ARHGAP15: variants seen among roughly 807,000 people sequenced by gnomAD.
ARHGAP15 encodes rho GTPase-activating protein 15.
ARHGAP15 carries 51 observed loss-of-function variants against 63.7 expected under a neutral mutation model. The ratio of observed to expected loss-of-function variants is 0.80; its 90% CI spans 0.64 to 1.01. The LOEUF is 1.01. Among genes scored for constraint, ARHGAP15 ranks in the 50% least tolerant of loss-of-function variants. The pLI is 0.00. For synonymous variants in ARHGAP15, 191 were observed against 193.8 expected (o/e 0.99, Z 0.12); for missense variants, 560 against 564.6 (o/e 0.99, Z 0.08).
At position 143,765,074 on chromosome 2, in the gene ARHGAP15, TTTATC is replaced by T. The variant is rs577175210; in HGVS notation, c.1245-2908_1245-2904del. Among the ~76,000 whole-genome samples, 254 of 151,880 alleles carry T rather than the reference TTTATC, an allele frequency of 1.7e-3. 1 individual carries two copies. The highest frequency in any genetic ancestry group is 5.9e-3 in the African/African-American group (245 of 41,338). ...TACCTAATAAGTACTCAATTGATTATTTATCTTATCTATCTCCATATTTGCCTCTA... is the reference window on the plus strand; with the variant it reads ...TACCTAATAAGTACTCAATTGATTATTTATCTATCTCCATATTTGCCTCTA... On this transcript the variant is annotated intron_variant, in intron 13 of 13. Transcript: ENST00000295095.
rs181235707 is a variant in ARHGAP15, at chr2:143,173,728, G to T, written c.165+18073G>T. ...ATGATAAGCTCTATTAATCAGAAAA[G>T]GTTAATGGCATATTATATCTTTGGT... is the stretch of plus-strand genomic sequence containing the variant. On this transcript the variant is annotated intron_variant, in intron 2 of 13. Coordinates refer to ENST00000295095, the MANE Select transcript of ARHGAP15 (RefSeq NM_018460.4). Among the ~76,000 whole-genome samples, 143 of 152,128 alleles carry T rather than the reference G, an allele frequency of 9.4e-4. 1 individual carries two copies. The highest frequency in any genetic ancestry group is 3.4e-3 in the African/African-American group (140 of 41,508).
At chr2:143,559,897 T>C (rs1241274841) in intron 11 of ARHGAP15, among the ~76,000 whole-genome samples, 1 of 152,268 alleles carries the variant, frequency 6.6e-6, no homozygotes, top group African/African-American at 2.4e-5. Flanking sequence ...ACCTGCCTTG[T>C]ATTAACATAT....
At chr2:143,308,136 A>C (rs1683262036) in intron 6 of ARHGAP15, among the ~76,000 whole-genome samples, 1 of 152,162 alleles carries the variant, frequency 6.6e-6, no homozygotes, top group African/African-American at 2.4e-5. Flanking sequence ...TGTGAGGTAG[A>C]GGAGAATGGA....
In ARHGAP15 at chr2:143,751,857, G is replaced by A. The variant is rs1295932170; in HGVS notation, c.1245-16132G>A. Reference sequence around the variant, plus strand: ...CTGGTGTAACAGCAACCTTGCCTCCGCCCTTTGATCACAGTTAATTATACC... The same window carrying A: ...CTGGTGTAACAGCAACCTTGCCTCCACCCTTTGATCACAGTTAATTATACC... On this transcript the variant is annotated intron_variant, in intron 13 of 13. Coordinates refer to ENST00000295095, the MANE Select transcript of ARHGAP15 (RefSeq NM_018460.4). 4.6e-5 allele frequency among the ~76,000 whole-genome samples: 7 copies of A among 152,206 alleles called. No individual in the cohort carries two copies. In the South Asian group the frequency reaches 1.2e-3, roughly 27 times the overall value.
chr2:143,186,819 G>A (rs1691467687), intron 2 of ARHGAP15, among the ~76,000 whole-genome samples: 1 of 152,200 alleles, frequency 6.6e-6, no homozygotes, highest in Non-Finnish European at 1.5e-5. Flanking sequence ...ATACACAATG[G>A]AGGATTAAAA....
At chr2:143,643,766 C>A (rs1251300818) in intron 12 of ARHGAP15, among the ~76,000 whole-genome samples, 1 of 151,780 alleles carries the variant, frequency 6.6e-6, no homozygotes, top group Non-Finnish European at 1.5e-5. Flanking sequence ...AGAAAAGTTG[C>A]AATGATTTAA....
chr2:143,424,519 A>C (rs10928174), intron 6 of ARHGAP15, among the ~76,000 whole-genome samples: 5 of 151,882 alleles, frequency 3.3e-5, no homozygotes, highest in Non-Finnish European at 2.9e-5. Context: ...CAGAGAGGGC[A>C]TAGGGACAGC....
intron 6 of ARHGAP15, among the ~76,000 whole-genome samples, chr2:143,295,045 T>C (rs1682578181): frequency 6.6e-6 from 1 of 152,042 alleles, no homozygotes; most frequent in Non-Finnish European, 1.5e-5. Context: ...AGTAGCCCCA[T>C]TTTACAGTTG....
intron 4 of ARHGAP15, among the ~76,000 whole-genome samples, chr2:143,217,099 T>G (rs535167315): frequency 6.6e-6 from 1 of 152,196 alleles, no homozygotes; most frequent in East Asian, 1.9e-4. Flanking sequence ...CTGGGTGATA[T>G]GCAAGTTACC....
At chr2:143,299,770 G>A (rs1259188627) in intron 6 of ARHGAP15, among the ~76,000 whole-genome samples, 2 of 151,972 alleles carry the variant, frequency 1.3e-5, no homozygotes, top group Admixed American at 1.3e-4. Flanking sequence ...CCATGAATGT[G>A]TAAGTCATAA....
intron 9 of ARHGAP15, among the ~76,000 whole-genome samples, chr2:143,499,560 T>C (rs1692965032): frequency 6.6e-6 from 1 of 152,178 alleles, no homozygotes; most frequent in South Asian, 2.1e-4. Context: ...TTCAGGAGCC[T>C]AGAGGAGAAA....
rs551608212 is a variant in ARHGAP15 at position 143,321,266 on chromosome 2, G to A, written c.474+70666G>A. The stretch of plus-strand genomic sequence containing the variant: ...GGTAACTGCCCCAGTCCAATGTTAG[G>A]TCATGGAAAGTATAGGACCTTTTAT... On this transcript the variant is annotated intron_variant, in intron 6 of 13. Coordinates refer to ENST00000295095, the MANE Select transcript of ARHGAP15 (RefSeq NM_018460.4). Among the ~76,000 whole-genome samples, 299 of 152,304 alleles carry A rather than the reference G, an allele frequency of 2.0e-3. 2 individuals are homozygous for A. Among genetic ancestry groups the A allele is most frequent in the African/African-American group, 7.0e-3 (293 of 41,570 alleles).
In ARHGAP15 at chr2:143,133,776, C is replaced by A. The variant is rs559843291; in HGVS notation, c.-15+4310C>A. On this transcript the variant is annotated intron_variant, in intron 1 of 13. Coordinates refer to ENST00000295095, the MANE Select transcript of ARHGAP15 (RefSeq NM_018460.4). Reference sequence around the variant, plus strand: ...TTCTATCTATCCCATTTATCCCCATCTTAATCCAACGTAACCACTTTTCAT... The same window carrying A: ...TTCTATCTATCCCATTTATCCCCATATTAATCCAACGTAACCACTTTTCAT... 6.6e-5 allele frequency among the ~76,000 whole-genome samples: 10 copies of A among 152,234 alleles called. No homozygotes were observed. The South Asian group carries it at 2.1e-3, about 32-fold the overall frequency.
At chr2:143,147,464 A>G (rs74398629) in intron 1 of ARHGAP15, among the ~76,000 whole-genome samples, 6 of 152,170 alleles carry the variant, frequency 3.9e-5, no homozygotes, top group African/African-American at 1.4e-4. Context: ...TCTCATCTGT[A>G]TCTAAGAAGA....
At chr2:143,555,695 T>C (rs879754541) in intron 10 of ARHGAP15, among the ~76,000 whole-genome samples, 19 of 152,120 alleles carry the variant, frequency 1.2e-4, no homozygotes, top group Non-Finnish European at 2.2e-4. Flanking sequence ...CATTTTACCA[T>C]TTCGCTAAAG....
chr2:143,647,987 C>T (rs749209993), intron 12 of ARHGAP15, among the ~76,000 whole-genome samples: 4 of 151,960 alleles, frequency 2.6e-5, no homozygotes, highest in African/African-American at 9.7e-5. Flanking sequence ...CCCAAGAGGG[C>T]TGAGTATTAA....
At chr2:143,276,672 T>G (rs927106113) in intron 6 of ARHGAP15, among the ~76,000 whole-genome samples, 1 of 152,136 alleles carries the variant, frequency 6.6e-6, no homozygotes, top group African/African-American at 2.4e-5. Context: ...GCAGCTCACA[T>G]CTGTAGTTTT....
At chr2:143,256,866 C>A (rs1238557709) in intron 6 of ARHGAP15, among the ~76,000 whole-genome samples, 1 of 151,916 alleles carries the variant, frequency 6.6e-6, no homozygotes, top group African/African-American at 2.4e-5. Context: ...TTGTAAGAAT[C>A]TAGATGAGAT....
At chr2:143,347,682 A>G (rs1412939704) in intron 6 of ARHGAP15, among the ~76,000 whole-genome samples, 1 of 152,060 alleles carries the variant, frequency 6.6e-6, no homozygotes, top group Non-Finnish European at 1.5e-5. Flanking sequence ...AGCTCTCTGG[A>G]TGTTGCGTTA....
Sources: allele counts gnomAD v4.1 joint callset (sites outside exome capture counted in the v4.1 genomes callset), GRCh38; gene constraint gnomAD v4.1.1; transcripts MANE v1.5; gene names NCBI Gene and HGNC (gene_info 2026-07-23, HGNC 2026-07-21).